HS6ST3: variants seen among roughly 807,000 people sequenced by gnomAD.
HS6ST3 encodes the protein heparan sulfate 6-O-sulfotransferase 3.
HS6ST3 carries 12 observed loss-of-function variants against 36.7 expected under a neutral mutation model. The ratio of observed to expected loss-of-function variants is 0.33; its 90% CI spans 0.21 to 0.53. The LOEUF is 0.53. Among genes scored for constraint, HS6ST3 ranks in the 20% least tolerant of loss-of-function variants. The pLI, the probability that HS6ST3 is intolerant of heterozygous loss-of-function variation, is 0.95. For missense variants in HS6ST3, 584 were observed against 640.9 expected (o/e 0.91, Z 0.96); for synonymous variants, 240 against 257.5 (o/e 0.93, Z 0.65).
chr13:96,537,199 A>G (rs2056159191), intron 1 of HS6ST3, among the ~76,000 whole-genome samples: 1 of 152,218 alleles, frequency 6.6e-6, no homozygotes, highest in Non-Finnish European at 1.5e-5. Context: ...GGAAGCAGGC[A>G]AGAGAGAATG....
At chr13:96,495,653 C>G (rs971695589) in intron 1 of HS6ST3, among the ~76,000 whole-genome samples, 1 of 152,104 alleles carries the variant, frequency 6.6e-6, no homozygotes, top group Non-Finnish European at 1.5e-5. Flanking sequence ...AATGACGACT[C>G]TAATATCATT....
chr13:96,140,529 A>G (rs2054026739), intron 1 of HS6ST3, among the ~76,000 whole-genome samples: 1 of 152,218 alleles, frequency 6.6e-6, no homozygotes, highest in Non-Finnish European at 1.5e-5. Flanking sequence ...AAGTGGTCCC[A>G]AGAAGCAGAG....
At chr13:96,753,386 G>T (rs1876745338) in intron 1 of HS6ST3, among the ~76,000 whole-genome samples, 1 of 152,038 alleles carries the variant, frequency 6.6e-6, no homozygotes, top group South Asian at 2.1e-4. Context: ...TGACTTCTTT[G>T]ATGTTATTCA....
At chr13:96,234,678 C>T (rs1299724874) in intron 1 of HS6ST3, among the ~76,000 whole-genome samples, 4 of 151,986 alleles carry the variant, frequency 2.6e-5, no homozygotes, top group African/African-American at 4.8e-5. Context: ...AAAGACCCAC[C>T]CCCATGGTTC....
At chr13:96,255,588 T>C (rs183637846) in intron 1 of HS6ST3, among the ~76,000 whole-genome samples, 96 of 152,288 alleles carry the variant, frequency 6.3e-4, no homozygotes, top group Admixed American at 3.1e-3. Flanking sequence ...TATTTTAACA[T>C]TGGGGCAGGC....
chr13:96,708,318 A>G (rs990950473), intron 1 of HS6ST3, among the ~76,000 whole-genome samples: 8 of 152,182 alleles, frequency 5.3e-5, no homozygotes, highest in Non-Finnish European at 1.2e-4. Context: ...ATCATATGAA[A>G]ATCTGGACCT....
chr13:96,575,123 A>G (rs957857415), intron 1 of HS6ST3, among the ~76,000 whole-genome samples: 8 of 152,202 alleles, frequency 5.3e-5, no homozygotes, highest in African/African-American at 1.4e-4. Context: ...ATGGAGTTGC[A>G]GATCTCATTG....
chr13:96,446,219 G>A (rs954902079), intron 1 of HS6ST3, among the ~76,000 whole-genome samples: 1 of 151,934 alleles, frequency 6.6e-6, no homozygotes, highest in Admixed American at 6.6e-5. Flanking sequence ...TTCGTTTATG[G>A]AATTTATGTT....
chr13:96,768,102 T>C (rs1026370386), intron 1 of HS6ST3, among the ~76,000 whole-genome samples: 5 of 152,128 alleles, frequency 3.3e-5, no homozygotes, highest in Non-Finnish European at 7.4e-5. Flanking sequence ...AGTAGAGTCT[T>C]AAGACTCAAG....
intron 1 of HS6ST3, among the ~76,000 whole-genome samples, chr13:96,752,600 C>T (rs1052402776): frequency 1.3e-5 from 2 of 152,066 alleles, no homozygotes; most frequent in African/African-American, 2.4e-5. Flanking sequence ...TAATATCCCA[C>T]TATGTGAAAG....
chr13:96,674,500 G>A (rs2056692608), intron 1 of HS6ST3, among the ~76,000 whole-genome samples: 1 of 151,984 alleles, frequency 6.6e-6, no homozygotes, highest in African/African-American at 2.4e-5. Flanking sequence ...TCTCCTGGGG[G>A]TGTGAGCCAG....
At chr13:96,570,881 G>A (rs913053089) in intron 1 of HS6ST3, among the ~76,000 whole-genome samples, 32 of 152,220 alleles carry the variant, frequency 2.1e-4, no homozygotes, top group African/African-American at 7.2e-4. Context: ...AGGAGGGTAC[G>A]GTTGCTTGAG....
intron 1 of HS6ST3, among the ~76,000 whole-genome samples, chr13:96,581,880 A>G (rs1172845555): frequency 6.6e-6 from 1 of 152,154 alleles, no homozygotes; most frequent in East Asian, 1.9e-4. Context: ...GAAGTGGGGA[A>G]CAGGAAAGTT....
intron 1 of HS6ST3, among the ~76,000 whole-genome samples, chr13:96,714,204 C>T (rs1011905853): frequency 3.3e-5 from 5 of 151,802 alleles, no homozygotes; most frequent in Non-Finnish European, 7.4e-5. Flanking sequence ...AGTATAACGT[C>T]TATATAAAAC....
chr13:96,438,495 G>C (rs1261069816), intron 1 of HS6ST3, among the ~76,000 whole-genome samples: 1 of 152,142 alleles, frequency 6.6e-6, no homozygotes, highest in East Asian at 1.9e-4. Flanking sequence ...CTGGTGTTCT[G>C]TCTCTCTCTA....
intron 1 of HS6ST3, among the ~76,000 whole-genome samples, chr13:96,548,212 A>C (rs1182690843): frequency 6.6e-6 from 1 of 152,148 alleles, no homozygotes; most frequent in African/African-American, 2.4e-5. Context: ...TCTTCCTCAC[A>C]TGATGACCAA....
chr13:96,120,853 A>G (rs969564846), intron 1 of HS6ST3, among the ~76,000 whole-genome samples: 8 of 152,234 alleles, frequency 5.3e-5, no homozygotes, highest in African/African-American at 1.9e-4. Context: ...GGAGGCTGAC[A>G]TATCTAAAGG....
intron 1 of HS6ST3, among the ~76,000 whole-genome samples, chr13:96,260,900 A>C (rs991519456): frequency 6.6e-6 from 1 of 152,106 alleles, no homozygotes; most frequent in Non-Finnish European, 1.5e-5. Context: ...TTGGCCTCTC[A>C]AAGTGCTGGG....
chr13:96,136,348 C>G (rs77513661), intron 1 of HS6ST3, among the ~76,000 whole-genome samples: 3,061 of 152,164 alleles, frequency 0.02, 89 homozygotes, highest in African/African-American at 0.068. Flanking sequence ...AAGCGTGGCA[C>G]CATCTGCTTC....
Sources: gnomAD v4.1 joint callset for allele counts (sites outside exome capture counted in the v4.1 genomes callset) on GRCh38, gnomAD v4.1.1 for gene constraint, MANE v1.5 for transcripts, NCBI Gene and HGNC (gene_info 2026-07-23, HGNC 2026-07-21) for gene names.